The following WDR59 variants were observed in gnomAD, a reference collection of about 807,000 sequenced individuals.
The protein encoded by WDR59 is WD repeat domain 59.
A neutral mutation model predicts 131.2 loss-of-function variants in WDR59; 100 were observed. That is an observed-to-expected ratio of 0.76 (90% CI 0.65 to 0.90). The LOEUF (loss-of-function observed/expected upper bound fraction) is 0.90, where lower values mean the gene tolerates loss of function less well. WDR59 is among the 40% of genes least tolerant of loss of function. The pLI is 0.00. For synonymous variants in WDR59, 601 were observed against 466.2 expected (o/e 1.29, Z -3.72); for missense variants, 1,203 against 1,262.2 (o/e 0.95, Z 0.71).
intron 19 of WDR59, 80 bp from the exon 20 acceptor site, chr16:74,892,645 T>C: frequency 8.6e-7 from 1 of 1,163,514 alleles, no homozygotes; most frequent in Non-Finnish European, 1.3e-6. Flanking sequence ...AACAGACAGA[T>C]GAGAACCTGA....
chr16:74,951,437 C>T (rs1376053146), intron 4 of WDR59, 21 bp downstream of exon 4: 17 of 1,580,598 alleles, frequency 1.1e-5, no homozygotes, highest in Non-Finnish European at 1.4e-5. Context: ...AGCCAAAGAG[C>T]TGTGGAGGGC....
chr16:74,983,622 T>G (rs1410909199), intron 1 of WDR59, among the ~76,000 whole-genome samples: 1 of 152,082 alleles, frequency 6.6e-6, no homozygotes, highest in East Asian at 1.9e-4. Context: ...TGGGGTAGGA[T>G]CCAGCATCCA....
At chr16:74,886,455 G>C (rs1370877408) in intron 23 of WDR59, 59 bp from the exon 24 acceptor site, 2 of 1,593,910 alleles carry the variant, frequency 1.3e-6, no homozygotes, top group Admixed American at 1.7e-5. Flanking sequence ...GAAAATATCT[G>C]AAGAGTCTCA....
intron 2 of WDR59, 126 bp downstream of exon 2, chr16:74,965,647 G>C (rs1158090019): frequency 8.8e-7 from 1 of 1,139,718 alleles, no homozygotes; most frequent in Non-Finnish European, 1.3e-6. Flanking sequence ...GAGGCAAACA[G>C]GATATCAGAA....
At chr16:74,885,630 AAG>A (rs1171780953) in intron 25 of WDR59, 21 bp downstream of exon 25, 18 of 1,612,288 alleles carry the variant, frequency 1.1e-5, no homozygotes, top group Non-Finnish European at 1.4e-5. Context: ...CAGTGAAAGG[AAG>A]AGAGAGAAAT....
chr16:74,953,308 CT>C (rs1419116122), intron 3 of WDR59, among the ~76,000 whole-genome samples: 27 of 151,818 alleles, frequency 1.8e-4, no homozygotes, highest in African/African-American at 5.8e-4. Context: ...CCCATCTCTA[CT>C]TAAAAATACA....
chr16:74,909,687 C>T, intron 15 of WDR59, 30 bp from the exon 16 acceptor site: 1 of 1,553,312 alleles, frequency 6.4e-7, no homozygotes. Flanking sequence ...AAGCTAAAAA[C>T]CACAACCTGT....
At chr16:74,960,430 A>T (rs1382623448) in intron 2 of WDR59, among the ~76,000 whole-genome samples, 1 of 152,086 alleles carries the variant, frequency 6.6e-6, no homozygotes, top group East Asian at 1.9e-4. Context: ...TACTAGTAGG[A>T]ATTCCAACAA....
rs1160200273 is a variant in WDR59 at position 74,886,396 on chromosome 16, G to A, written c.2420C>T (p.Ala807Val). 1.1e-5 allele frequency: 17 copies of A among 1,611,900 alleles called. No individual in the cohort carries two copies. The highest frequency in any genetic ancestry group is 1.8e-4 in the Middle Eastern group (1 of 5,426). ...GGACAAGTGCTCTGCCTCTCTTCCCGCTGAAGAAAATCAAATGGGAAGGGA... is the reference window on the plus strand; with the variant it reads ...GGACAAGTGCTCTGCCTCTCTTCCCACTGAAGAAAATCAAATGGGAAGGGA... ...PGLNTGGWNI[A>V]GREAEHLSSP... Residue 807 changes from alanine (A) to valine (V), a missense_variant and splice_region_variant, in exon 24 of 26, where the codon GCG (alanine) becomes GTG (valine). By Grantham distance (64) the Ala-to-Val change is moderately conservative (BLOSUM62 0). Coordinates refer to ENST00000262144, the MANE Select transcript of WDR59 (RefSeq NM_030581.4).
At chr16:74,885,819 C>A in intron 24 of WDR59, 24 bp from the exon 25 acceptor site, 1 of 1,605,706 alleles carries the variant, frequency 6.2e-7, no homozygotes, top group Non-Finnish European at 8.5e-7. Context: ...AAAAGATTTC[C>A]TGTCAGTTCC....
At chr16:74,913,899 T>C (rs1379539475) in intron 13 of WDR59, among the ~76,000 whole-genome samples, 6 of 152,114 alleles carry the variant, frequency 3.9e-5, no homozygotes, top group Non-Finnish European at 8.8e-5. Context: ...AACAGCCAGA[T>C]TATATACTTT....
chr16:74,953,350 G>A (rs898100378), intron 3 of WDR59, among the ~76,000 whole-genome samples: 3 of 151,930 alleles, frequency 2.0e-5, no homozygotes, highest in South Asian at 2.1e-4. Flanking sequence ...GCACGTGCCT[G>A]TAGTCCCAGC....
chr16:74,951,201 C>T (rs559244438), intron 4 of WDR59, among the ~76,000 whole-genome samples: 1 of 151,466 alleles, frequency 6.6e-6, no homozygotes, highest in East Asian at 1.9e-4. Flanking sequence ...AATCCTTTAC[C>T]CTGGACTGGA....
chr16:74,874,136 C>T lies in WDR59; in HGVS notation c.*73G>A. On this transcript the variant is annotated 3_prime_UTR_variant, in exon 26 of 26. Transcript: ENST00000262144. ...GACGAACCCAGGTTCTGGAGCCTCTCCCCTGACAGACAGCTTGTCACCGGC... is the reference window on the plus strand; with the variant it reads ...GACGAACCCAGGTTCTGGAGCCTCTTCCCTGACAGACAGCTTGTCACCGGC... 7.5e-7 allele frequency: 1 copy of T among 1,327,650 alleles called. No individual in the cohort carries two copies. The highest frequency in any genetic ancestry group is 1.0e-6 in the Non-Finnish European group (1 of 957,334). 82.2% of individuals were successfully genotyped at this position (1,327,650 alleles called of 1,614,324 possible).
At chr16:74,932,893 T>C (rs928974995) in intron 8 of WDR59, among the ~76,000 whole-genome samples, 2 of 152,210 alleles carry the variant, frequency 1.3e-5, no homozygotes, top group Admixed American at 6.5e-5. Flanking sequence ...AAATGTCAAA[T>C]GTTATCTATG....
intron 2 of WDR59, among the ~76,000 whole-genome samples, chr16:74,961,771 T>G (rs2033577632): frequency 6.6e-6 from 1 of 152,216 alleles, no homozygotes; most frequent in Non-Finnish European, 1.5e-5. Context: ...TTTCTTTTGC[T>G]GTGCAGAAGC....
At chr16:74,958,592 CAAAAAAAAAAAAAAAAA>C (rs747175030) in intron 2 of WDR59, among the ~76,000 whole-genome samples, 21 of 13,234 alleles carry the variant, frequency 1.6e-3, no homozygotes, top group Non-Finnish European at 2.7e-3. Context: ...GACTCCATCT[CAAAAAAAAAAAAAAAAA>C]AAAAAAAAAA....
chr16:74,882,678 G>A (rs1002911056), intron 25 of WDR59, among the ~76,000 whole-genome samples: 3 of 151,600 alleles, frequency 2.0e-5, no homozygotes, highest in African/African-American at 7.3e-5. Flanking sequence ...GCGTGGTGGC[G>A]GGCGCCTGTA....
intron 16 of WDR59, 91 bp downstream of exon 16, chr16:74,909,410 A>T: frequency 7.0e-7 from 1 of 1,424,390 alleles, no homozygotes; most frequent in Non-Finnish European, 9.2e-7. Context: ...GTAAAAGCAA[A>T]CATTTTCTGA....
Sources: allele counts gnomAD v4.1 joint callset (sites outside exome capture counted in the v4.1 genomes callset), GRCh38; gene constraint gnomAD v4.1.1; transcripts MANE v1.5; gene names NCBI Gene and HGNC (gene_info 2026-07-23, HGNC 2026-07-21).